MACROD2: variants seen among roughly 807,000 people sequenced by gnomAD.
MACROD2 encodes ADP-ribose glycohydrolase MACROD2.
MACROD2 carries 36 observed loss-of-function variants against 70.4 expected under a neutral mutation model. The ratio of observed to expected loss-of-function variants is 0.51; its 90% CI spans 0.39 to 0.68. The LOEUF (loss-of-function observed/expected upper bound fraction) is 0.68, where lower values mean the gene tolerates loss of function less well. MACROD2 is among the 30% of genes least tolerant of loss of function. The pLI is 0.00. For synonymous variants in MACROD2, 172 were observed against 178.8 expected (o/e 0.96, Z 0.30); for missense variants, 496 against 538.4 (o/e 0.92, Z 0.78).
chr20:15,873,656 AAAGAT>A (rs1348520959), intron 9 of MACROD2, among the ~76,000 whole-genome samples: 3 of 152,068 alleles, frequency 2.0e-5, no homozygotes, highest in South Asian at 2.1e-4. Context: ...GAAAAGGTAG[AAAGAT>A]AAGATTTTAA....
At chr20:15,567,935 C>A (rs1337692113) in intron 8 of MACROD2, among the ~76,000 whole-genome samples, 1 of 152,180 alleles carries the variant, frequency 6.6e-6, no homozygotes. Flanking sequence ...TAAATACTGG[C>A]AAATTTACTT....
intron 5 of MACROD2, among the ~76,000 whole-genome samples, chr20:15,035,920 G>T (rs1487975577): frequency 1.3e-5 from 2 of 151,812 alleles, no homozygotes; most frequent in Non-Finnish European, 2.9e-5. Context: ...AGGAGATCTG[G>T]TGTCAGTGAA....
At chr20:15,597,213 G>A (rs1239155666) in intron 8 of MACROD2, among the ~76,000 whole-genome samples, 3 of 152,344 alleles carry the variant, frequency 2.0e-5, no homozygotes, top group Admixed American at 1.3e-4. Context: ...TAAGCCTAGT[G>A]AGAAAAGCTT....
chr20:15,469,278 T>C (rs1319157948), intron 7 of MACROD2, among the ~76,000 whole-genome samples: 1 of 151,304 alleles, frequency 6.6e-6, no homozygotes, highest in South Asian at 2.1e-4. Context: ...AGAAAGGAGG[T>C]GGGAAATGGG....
intron 5 of MACROD2, among the ~76,000 whole-genome samples, chr20:14,849,067 A>G (rs150519064): frequency 6.6e-6 from 1 of 152,270 alleles, no homozygotes; most frequent in African/African-American, 2.4e-5. Flanking sequence ...GGAGTTGGCA[A>G]GTGAGATAAA....
At chr20:14,491,702 T>C (rs1048379821) in intron 3 of MACROD2, among the ~76,000 whole-genome samples, 1 of 152,144 alleles carries the variant, frequency 6.6e-6, no homozygotes. Flanking sequence ...GAGCAAAACA[T>C]TGGATGAAAA....
At chr20:15,976,543 G>T (rs2066309218) in intron 13 of MACROD2, among the ~76,000 whole-genome samples, 1 of 152,200 alleles carries the variant, frequency 6.6e-6, no homozygotes, top group Non-Finnish European at 1.5e-5. Context: ...GAATGTGAAA[G>T]GTCTGCATGC....
At chr20:15,673,951 A>T (rs1600740677) in intron 8 of MACROD2, among the ~76,000 whole-genome samples, 2 of 152,216 alleles carry the variant, frequency 1.3e-5, no homozygotes, top group Admixed American at 6.5e-5. Context: ...TATTAATTTG[A>T]GTAGCCATAT....
rs386393390 is a variant in MACROD2, at chr20:15,050,533, C to CTTTTTTTTTTTTTTTTTTT, written c.419-179399_419-179381dup. 7.7e-5 allele frequency among the ~76,000 whole-genome samples: 6 copies of CTTTTTTTTTTTTTTTTTTT among 77,876 alleles called. 1 individual carries two copies. Among genetic ancestry groups the CTTTTTTTTTTTTTTTTTTT allele is most frequent in the African/African-American group, 1.9e-4 (3 of 16,020 alleles). The allele number at this position is 77,876 out of a possible 152,430, so 51.1% of individuals were successfully genotyped here. A position where few individuals can be genotyped will look rare whatever the true frequency, so the allele number is the denominator to read the frequency against. On this transcript the variant is annotated intron_variant, in intron 5 of 17. Coordinates refer to ENST00000684519, the MANE Select transcript of MACROD2 (RefSeq NM_001351661.2). ...GTCTTTTTACACTTTCTATTTAGGT[C>CTTTTTTTTTTTTTTTTTTT]TTTTTTTTTTTTTTTTTTTTTTTTT...
At chr20:15,802,939 C>T (rs1471835440) in intron 8 of MACROD2, among the ~76,000 whole-genome samples, 1 of 152,028 alleles carries the variant, frequency 6.6e-6, no homozygotes, top group Non-Finnish European at 1.5e-5. Context: ...CTTTCCTGAA[C>T]ACCTACAGTC....
intron 3 of MACROD2, among the ~76,000 whole-genome samples, chr20:14,162,142 A>G (rs1037800954): frequency 6.6e-6 from 1 of 152,186 alleles, no homozygotes; most frequent in African/African-American, 2.4e-5. Flanking sequence ...GTCATTCAGT[A>G]GCACGTTGTT....
chr20:15,230,707 C>T (rs1283813739), intron 6 of MACROD2, among the ~76,000 whole-genome samples: 1 of 151,930 alleles, frequency 6.6e-6, no homozygotes, highest in African/African-American at 2.4e-5. Flanking sequence ...ATTTCCTTAC[C>T]AGTAGGCTGA....
At chr20:13,998,891 G>T (rs2052696705) in intron 1 of MACROD2, among the ~76,000 whole-genome samples, 1 of 151,124 alleles carries the variant, frequency 6.6e-6, no homozygotes, top group African/African-American at 2.4e-5. Context: ...GGTGGGAGAG[G>T]TTGGAGTGAG....
chr20:15,769,775 A>G (rs1202853882), intron 8 of MACROD2, among the ~76,000 whole-genome samples: 1 of 152,182 alleles, frequency 6.6e-6, no homozygotes, highest in Non-Finnish European at 1.5e-5. Flanking sequence ...CTCCATATTT[A>G]CTTCTCTTCG....
At chr20:14,670,353 CAG>C (rs2070780540) in intron 4 of MACROD2, among the ~76,000 whole-genome samples, 2 of 152,220 alleles carry the variant, frequency 1.3e-5, no homozygotes, top group South Asian at 4.2e-4. Context: ...TGAAAACTGA[CAG>C]AATCTAAGCA....
chr20:15,251,181 CA>C (rs2077152754), intron 6 of MACROD2, among the ~76,000 whole-genome samples: 1 of 152,140 alleles, frequency 6.6e-6, no homozygotes, highest in Non-Finnish European at 1.5e-5. Context: ...GGGCTGAATG[CA>C]ACACAGAAAG....
intron 2 of MACROD2, among the ~76,000 whole-genome samples, chr20:14,079,743 G>A (rs1404756724): frequency 6.6e-6 from 1 of 152,206 alleles, no homozygotes. Context: ...CATTGAATCA[G>A]ATACGTCCAG....
At chr20:14,631,588 G>T (rs1018134381) in intron 4 of MACROD2, among the ~76,000 whole-genome samples, 1 of 152,092 alleles carries the variant, frequency 6.6e-6, no homozygotes, top group Non-Finnish European at 1.5e-5. Context: ...GGCTAACACC[G>T]TGAAACCCCG....
At chr20:15,933,191 A>C in intron 10 of MACROD2, 85 bp from the exon 11 acceptor site, 1 of 1,329,834 alleles carries the variant, frequency 7.5e-7, no homozygotes. Flanking sequence ...GGTTACAATT[A>C]ATTTCAGTGC....
Sources: gnomAD v4.1 joint callset for allele counts (sites outside exome capture counted in the v4.1 genomes callset) on GRCh38, gnomAD v4.1.1 for gene constraint, MANE v1.5 for transcripts, NCBI Gene and HGNC (gene_info 2026-07-23, HGNC 2026-07-21) for gene names.